Variants in CNOT6L observed in about 807,000 individuals in gnomAD.
The protein encoded by CNOT6L is CCR4-NOT transcription complex subunit 6 like.
In CNOT6L, 7 loss-of-function variants were observed where a neutral mutation model predicts 64.0. The ratio of observed to expected loss-of-function variants is 0.11; its 90% confidence interval spans 0.06 to 0.21. The LOEUF is 0.21. CNOT6L is among the 10% of genes least tolerant of loss of function. CNOT6L has a pLI of 1.00. For synonymous variants in CNOT6L, 193 were observed against 243.4 expected, an observed-to-expected ratio of 0.79 and a Z score of 1.93; for missense variants, 245 against 669.0, an observed-to-expected ratio of 0.37 and a Z score of 6.99.
chr4:77,764,146 ACCAGAAGAAGCT>A (rs1726548777), intron 4 of CNOT6L, among the ~76,000 whole-genome samples: 1 of 152,210 alleles, frequency 6.6e-6, no homozygotes, highest in Non-Finnish European at 1.5e-5. Flanking sequence ...TCTTGTTAGA[ACCAGAAGAAGCT>A]CCACGGTAAT....
chr4:77,781,192 C>T (rs1321999443), intron 1 of CNOT6L, among the ~76,000 whole-genome samples: 2 of 151,402 alleles, frequency 1.3e-5, no homozygotes, highest in Non-Finnish European at 2.9e-5. Flanking sequence ...GGGTAGGGGG[C>T]AAGGGGAGGG....
intron 4 of CNOT6L, among the ~76,000 whole-genome samples, chr4:77,759,906 C>T (rs1037761814): frequency 1.3e-5 from 2 of 152,130 alleles, no homozygotes; most frequent in African/African-American, 4.8e-5. Flanking sequence ...GGCCAGAAAA[C>T]AAACTGTAAC....
intron 5 of CNOT6L, among the ~76,000 whole-genome samples, chr4:77,756,134 C>A (rs1208797346): frequency 6.6e-6 from 1 of 152,120 alleles, no homozygotes; most frequent in African/African-American, 2.4e-5. Context: ...CAGGCACGCA[C>A]CACCACGCCT....
chr4:77,812,403 A>G (rs1224517452), intron 1 of CNOT6L, among the ~76,000 whole-genome samples: 1 of 150,140 alleles, frequency 6.7e-6, no homozygotes, highest in Non-Finnish European at 1.5e-5. Context: ...GTGCCATTGC[A>G]CTCCAGCCTG....
intron 8 of CNOT6L, among the ~76,000 whole-genome samples, chr4:77,736,942 G>A (rs931297954): frequency 6.6e-6 from 1 of 151,190 alleles, no homozygotes; most frequent in Non-Finnish European, 1.5e-5. Context: ...GATGTTTCAT[G>A]TGCAAAAAGA....
intron 3 of CNOT6L, 91 bp downstream of exon 3, chr4:77,774,439 C>T: frequency 9.7e-7 from 1 of 1,035,250 alleles, no homozygotes; most frequent in Non-Finnish European, 1.4e-6. Flanking sequence ...AGTTACAACA[C>T]ACAGAAATCC....
chr4:77,739,218 G>A (rs193251001), intron 8 of CNOT6L, among the ~76,000 whole-genome samples: 149 of 152,162 alleles, frequency 9.8e-4, no homozygotes, highest in Middle Eastern at 3.4e-3. Context: ...TGCGTATTCT[G>A]TACCAGTTTT....
At chr4:77,731,790 AAAT>A (rs1722465961) in intron 8 of CNOT6L, 1 of 329,660 alleles carries the variant, frequency 3.0e-6, no homozygotes. Flanking sequence ...GTGCTCGGAG[AAAT>A]AATAACCATC....
chr4:77,819,420 G>C, upstream of CNOT6L: 3 of 1,596,374 alleles, frequency 1.9e-6, no homozygotes, highest in Admixed American at 1.7e-5. Flanking sequence ...TTCCCCTCCA[G>C]AGCCGCGGCC....
At chr4:77,799,704 C>CAAAAAAAA (rs71214370) in intron 1 of CNOT6L, among the ~76,000 whole-genome samples, 1 of 90,932 alleles carries the variant, frequency 1.1e-5, no homozygotes. Flanking sequence ...AACTCCATCT[C>CAAAAAAAA]AAAAAAAAAA....
intron 1 of CNOT6L, among the ~76,000 whole-genome samples, chr4:77,812,105 T>C (rs1299627051): frequency 6.6e-6 from 1 of 152,156 alleles, no homozygotes; most frequent in Non-Finnish European, 1.5e-5. Flanking sequence ...TGTTTGCAGG[T>C]GACATGATAT....
At chr4:77,780,174 TCAAA>T (rs751717602) in intron 1 of CNOT6L, among the ~76,000 whole-genome samples, 2 of 152,230 alleles carry the variant, frequency 1.3e-5, no homozygotes, top group Non-Finnish European at 2.9e-5. Context: ...TCATGTGGCT[TCAAA>T]CAGTCTCATA....
intron 8 of CNOT6L, among the ~76,000 whole-genome samples, chr4:77,734,109 T>C (rs530037232): frequency 4.9e-4 from 75 of 152,252 alleles, no homozygotes; most frequent in African/African-American, 1.5e-3. Flanking sequence ...AACTTCACTT[T>C]GGGGAAAGTC....
At chr4:77,818,775 G>A (rs1490025624) in intron 1 of CNOT6L, among the ~76,000 whole-genome samples, 1 of 150,596 alleles carries the variant, frequency 6.6e-6, no homozygotes, top group Non-Finnish European at 1.5e-5. Context: ...TCGCCGTCCC[G>A]GGAGGCGTCC....
At chr4:77,819,442 C>T, upstream of CNOT6L, 2 of 1,575,794 alleles carry the variant, frequency 1.3e-6, no homozygotes, top group East Asian at 2.3e-5. Flanking sequence ...CAGACGCAGA[C>T]GCAAACACAA....
At chr4:77,790,492 T>C (rs1730004555) in intron 1 of CNOT6L, among the ~76,000 whole-genome samples, 2 of 152,178 alleles carry the variant, frequency 1.3e-5, no homozygotes, top group African/African-American at 4.8e-5. Context: ...ACTGCCAAAC[T>C]GTCTTCCAGA....
chr4:77,810,304 C>T (rs1732767932), intron 1 of CNOT6L, among the ~76,000 whole-genome samples: 1 of 152,044 alleles, frequency 6.6e-6, no homozygotes, highest in African/African-American at 2.4e-5. Context: ...TGAAACACAA[C>T]TTTACCTTAC....
At chr4:77,744,239 A>G (rs17408624) in intron 7 of CNOT6L, among the ~76,000 whole-genome samples, 6,935 of 152,216 alleles carry the variant, frequency 0.046, 181 homozygotes, top group African/African-American at 0.068. Context: ...AAACAGAAGA[A>G]TCTAAATTTC....
chr4:77,773,057 C>CAA (rs770890210), intron 4 of CNOT6L, 24 bp downstream of exon 4: 1 of 1,526,740 alleles, frequency 6.5e-7, no homozygotes, highest in Non-Finnish European at 8.9e-7. Flanking sequence ...CAGAATACCT[C>CAA]AAAACTGTTT....
Sources: allele counts gnomAD v4.1 joint callset (sites outside exome capture counted in the v4.1 genomes callset), GRCh38; gene constraint gnomAD v4.1.1; transcripts MANE v1.5; gene names NCBI Gene and HGNC (gene_info 2026-07-23, HGNC 2026-07-21).